RAB6A: variants seen among roughly 807,000 people sequenced by gnomAD.
The protein encoded by RAB6A is RAB6A, member RAS oncogene family.
In RAB6A, 8 loss-of-function variants were observed where a neutral mutation model predicts 32.3. That is an observed-to-expected ratio of 0.25 (90% CI 0.15 to 0.45). RAB6A has a LOEUF of 0.45. RAB6A is among the 20% of genes least tolerant of loss of function. The pLI is 1.00. For synonymous variants in RAB6A, 73 were observed against 82.1 expected, an observed-to-expected ratio of 0.89 and a Z score of 0.60; for missense variants, 104 against 249.4, an observed-to-expected ratio of 0.42 and a Z score of 3.93.
intron 1 of RAB6A, among the ~76,000 whole-genome samples, chr11:73,733,177 T>C (rs11235883): frequency 0.48 from 73,392 of 152,010 alleles, 19,083 homozygotes; most frequent in East Asian, 0.6. Flanking sequence ...TGCTGTTACA[T>C]TGATTTTTTT....
At chr11:73,727,005 T>C (rs538306486) in intron 2 of RAB6A, among the ~76,000 whole-genome samples, 33 of 152,280 alleles carry the variant, frequency 2.2e-4, no homozygotes, top group African/African-American at 7.7e-4. Flanking sequence ...ATGTGAACAT[T>C]ATAGTTGTCT....
In RAB6A at chr11:73,677,685, G is replaced by A; in HGVS notation, c.*213C>T. 1 of 1,240,228 alleles carries A rather than the reference G, an allele frequency of 8.1e-7. No individual in the cohort carries two copies. The highest frequency in any genetic ancestry group is 1.8e-5 in the South Asian group (1 of 57,032). The allele number at this position is 1,240,228 out of a possible 1,614,324, so 76.8% of individuals were successfully genotyped here. A position where few individuals can be genotyped will look rare whatever the true frequency, so the allele number is the denominator to read the frequency against. On this transcript the variant is annotated 3_prime_UTR_variant, in exon 8 of 8. Transcript: ENST00000336083. ...TCACTGGAATATGCTGAAATATTTT[G>A]GCTTTTTGTAAAATATAAATAATGA...
chr11:73,714,253 T>G (rs1022644134), intron 5 of RAB6A, among the ~76,000 whole-genome samples: 2 of 148,660 alleles, frequency 1.3e-5, no homozygotes, highest in Non-Finnish European at 3.0e-5. Context: ...TTGACAAGTT[T>G]CTACCATTTG....
intron 1 of RAB6A, among the ~76,000 whole-genome samples, chr11:73,739,894 CTAAA>C (rs1946467286): frequency 6.6e-6 from 1 of 151,996 alleles, no homozygotes; most frequent in African/African-American, 2.4e-5. Context: ...CCCATCTCTA[CTAAA>C]AATACAAAAA....
At chr11:73,706,035 A>G (rs1240939591) in intron 6 of RAB6A, among the ~76,000 whole-genome samples, 17 of 152,230 alleles carry the variant, frequency 1.1e-4, no homozygotes, top group Admixed American at 1.1e-3. Context: ...GTATCAAACC[A>G]TGACCATGAA....
chr11:73,749,393 C>CA (rs1445799570), intron 1 of RAB6A, among the ~76,000 whole-genome samples: 6 of 152,128 alleles, frequency 3.9e-5, no homozygotes, highest in South Asian at 2.1e-4. Flanking sequence ...ACTACATACA[C>CA]ACTGGGTAGA....
At chr11:73,735,920 T>TTAAAAA (rs767686299) in intron 1 of RAB6A, among the ~76,000 whole-genome samples, 2 of 87,080 alleles carry the variant, frequency 2.3e-5, no homozygotes, top group African/African-American at 7.9e-5. Context: ...AACCTTGCCT[T>TTAAAAA]AAAAAAAAAA....
At chr11:73,704,864 T>A (rs961224501) in intron 6 of RAB6A, among the ~76,000 whole-genome samples, 9 of 147,952 alleles carry the variant, frequency 6.1e-5, no homozygotes, top group African/African-American at 2.3e-4. Flanking sequence ...GGCGTGGTGG[T>A]GGGCGCCTGT....
rs1195093190 is a variant in RAB6A at position 73,676,513 on chromosome 11, A to G, written c.*1385T>C. Reference sequence around the variant, plus strand: ...AAAAAAAGGCAAAGAAATAAATATCACCAAAGAAAAAAGATTAATTGTAGC... The same window carrying G: ...AAAAAAAGGCAAAGAAATAAATATCGCCAAAGAAAAAAGATTAATTGTAGC... On this transcript the variant is annotated 3_prime_UTR_variant, in exon 8 of 8. Transcript: ENST00000336083. 34 of 166,902 alleles carry G rather than the reference A, an allele frequency of 2.0e-4. No individual in the cohort carries two copies. In the Admixed American group the frequency reaches 2.2e-3, roughly 11 times the overall value. 10.3% of individuals were successfully genotyped at this position (166,902 alleles called of 1,614,324 possible).
chr11:73,685,588 G>GAAAGTATTTTTTTTTTTTTTTTTTT (rs56070961), intron 6 of RAB6A, among the ~76,000 whole-genome samples: 1 of 89,584 alleles, frequency 1.1e-5, no homozygotes, highest in Non-Finnish European at 2.0e-5. Context: ...CGCCCGGACT[G>GAAAGTATTTTTTTTTTTTTTTTTTT]AAAGTAGCGA....
intron 5 of RAB6A, among the ~76,000 whole-genome samples, chr11:73,709,950 C>CATATAT (rs71065028): frequency 0.011 from 629 of 57,346 alleles, 4 homozygotes; most frequent in Non-Finnish European, 0.013. Context: ...CACACACACA[C>CATATAT]ATATATATAT....
chr11:73,752,224 C>T (rs1008350063), intron 1 of RAB6A, among the ~76,000 whole-genome samples: 1 of 152,060 alleles, frequency 6.6e-6, no homozygotes, highest in African/African-American at 2.4e-5. Context: ...TTTGGGAGGC[C>T]AAGGGGGCAG....
intron 6 of RAB6A, among the ~76,000 whole-genome samples, chr11:73,692,502 CAA>C (rs34201129): frequency 2.6e-3 from 147 of 56,430 alleles, no homozygotes; most frequent in African/African-American, 6.2e-3. Flanking sequence ...GACTCTGTCT[CAA>C]AAAAAAAAAA....
At chr11:73,722,340 TA>T (rs1946153821) in intron 2 of RAB6A, 1 of 8,294 alleles carries the variant, frequency 1.2e-4, no homozygotes, top group African/African-American at 4.0e-4. Context: ...TATATATATA[TA>T]TATTTTTTTT....
chr11:73,750,686 T>A (rs1391203589), intron 1 of RAB6A, among the ~76,000 whole-genome samples: 1 of 152,154 alleles, frequency 6.6e-6, no homozygotes, highest in Non-Finnish European at 1.5e-5. Flanking sequence ...AGGCTAATAT[T>A]CCATTGTATG....
chr11:73,746,690 T>C (rs907584450), intron 1 of RAB6A, among the ~76,000 whole-genome samples: 1 of 151,610 alleles, frequency 6.6e-6, no homozygotes, highest in East Asian at 1.9e-4. Context: ...CCCAGGAGAC[T>C]GAGGCTGCAG....
chr11:73,699,613 T>C (rs750189744), intron 6 of RAB6A, among the ~76,000 whole-genome samples: 1 of 152,186 alleles, frequency 6.6e-6, no homozygotes, highest in Non-Finnish European at 1.5e-5. Context: ...CTGTAGCATT[T>C]GCTAGGAATT....
chr11:73,691,086 A>G (rs1394432397), intron 6 of RAB6A, among the ~76,000 whole-genome samples: 1 of 152,130 alleles, frequency 6.6e-6, no homozygotes, highest in Non-Finnish European at 1.5e-5. Context: ...GGACAGGGAC[A>G]CACAGAAAGG....
At chr11:73,736,578 G>A (rs565823640) in intron 1 of RAB6A, among the ~76,000 whole-genome samples, 2 of 151,934 alleles carry the variant, frequency 1.3e-5, no homozygotes, top group South Asian at 4.2e-4. Context: ...GATCACCTGA[G>A]GTCAGGAGTT....
Sources: gnomAD v4.1 joint callset for allele counts (sites outside exome capture counted in the v4.1 genomes callset) on GRCh38, gnomAD v4.1.1 for gene constraint, MANE v1.5 for transcripts, NCBI Gene and HGNC (gene_info 2026-07-23, HGNC 2026-07-21) for gene names.